Variants in GNA14 observed in about 807,000 individuals in gnomAD.
GNA14 encodes G protein subunit alpha 14.
GNA14 carries 50 observed loss-of-function variants against 42.0 expected under a neutral mutation model. That is an observed-to-expected ratio of 1.19 (90% confidence interval 0.95 to 1.51). The LOEUF (loss-of-function observed/expected upper bound fraction) is 1.51. GNA14 is among the 40% of genes most tolerant of loss of function. GNA14 has a pLI of 0.00. For missense variants in GNA14, 473 were observed against 446.2 expected (o/e 1.06, Z -0.54); for synonymous variants, 173 against 163.1 (o/e 1.06, Z -0.46).
intron 1 of GNA14, among the ~76,000 whole-genome samples, chr9:77,635,740 C>T (rs1241302351): frequency 6.6e-6 from 1 of 152,098 alleles, no homozygotes; most frequent in Admixed American, 6.6e-5. Context: ...ATCAATGTTG[C>T]CTTAGAAACT....
At chr9:77,645,988 C>T (rs1180292292) in intron 1 of GNA14, among the ~76,000 whole-genome samples, 3 of 152,220 alleles carry the variant, frequency 2.0e-5, no homozygotes, top group African/African-American at 4.8e-5. Flanking sequence ...ATCAAGCTAG[C>T]AAATTCTCAC....
chr9:77,563,547 T>A (rs1213765707), intron 1 of GNA14, among the ~76,000 whole-genome samples: 2 of 152,194 alleles, frequency 1.3e-5, no homozygotes, highest in African/African-American at 2.4e-5. Flanking sequence ...ATATGCCTGA[T>A]TCTTCATAGG....
chr9:77,532,778 C>G (rs1228037178), intron 1 of GNA14, among the ~76,000 whole-genome samples: 1 of 152,078 alleles, frequency 6.6e-6, no homozygotes, highest in Non-Finnish European at 1.5e-5. Context: ...ATTTCTCACC[C>G]GCACCCCCAC....
At chr9:77,494,040 C>T (rs1356965126) in intron 2 of GNA14, among the ~76,000 whole-genome samples, 1 of 152,154 alleles carries the variant, frequency 6.6e-6, no homozygotes, top group Non-Finnish European at 1.5e-5. Flanking sequence ...CGTGACTCAG[C>T]CTCCCAAGTA....
Position 77,573,831 on chromosome 9 carries a change from T to C in GNA14, c.125-44578A>G, listed in dbSNP as rs72732707. Among the ~76,000 whole-genome samples the C allele has an allele frequency of 9.4e-3, 1,434 of 152,278 alleles. 20 individuals carry two copies. The highest frequency in any genetic ancestry group is 0.029 in the African/African-American group (1,205 of 41,546). Reference sequence around the variant, plus strand: ...GACCAGAGGTTGGGGGAAACTTTAGTGTTGGCATGTGACTAACTCCACCTT... The same window carrying C: ...GACCAGAGGTTGGGGGAAACTTTAGCGTTGGCATGTGACTAACTCCACCTT... On this transcript the variant is annotated intron_variant, in intron 1 of 6. Coordinates refer to ENST00000341700, the MANE Select transcript of GNA14 (RefSeq NM_004297.4).
intron 2 of GNA14, among the ~76,000 whole-genome samples, chr9:77,516,340 T>A (rs1025762779): frequency 1.3e-5 from 2 of 152,210 alleles, no homozygotes; most frequent in South Asian, 2.1e-4. Flanking sequence ...TATTTGGCAT[T>A]ATCAGTCATT....
At chr9:77,588,773 G>A (rs974779283) in intron 1 of GNA14, among the ~76,000 whole-genome samples, 1 of 152,132 alleles carries the variant, frequency 6.6e-6, no homozygotes, top group African/African-American at 2.4e-5. Context: ...TTAGCCCCAG[G>A]AAGTCCTTCT....
chr9:77,507,695 C>T (rs143541981), intron 2 of GNA14, among the ~76,000 whole-genome samples: 1 of 152,062 alleles, frequency 6.6e-6, no homozygotes, highest in East Asian at 1.9e-4. Context: ...ATTTCTACCT[C>T]TTGTCCAGCT....
chr9:77,498,725 C>T (rs767832605), intron 2 of GNA14, among the ~76,000 whole-genome samples: 7 of 152,208 alleles, frequency 4.6e-5, no homozygotes, highest in East Asian at 1.9e-4. Flanking sequence ...GATCTCCCCC[C>T]GCTGAGGATG....
intron 2 of GNA14, among the ~76,000 whole-genome samples, chr9:77,455,164 C>T (rs1004274912): frequency 2.0e-5 from 3 of 152,194 alleles, no homozygotes; most frequent in Admixed American, 1.3e-4. Flanking sequence ...GTCCTCAGGA[C>T]TGTAGGACTG....
intron 1 of GNA14, among the ~76,000 whole-genome samples, chr9:77,622,697 TAA>T (rs1823947288): frequency 7.2e-6 from 1 of 138,840 alleles, no homozygotes; most frequent in Non-Finnish European, 1.5e-5. Flanking sequence ...CCATCCTGGC[TAA>T]CATGGTGAAA....
chr9:77,490,686 T>A (rs1284472935), intron 2 of GNA14, among the ~76,000 whole-genome samples: 1 of 152,182 alleles, frequency 6.6e-6, no homozygotes, highest in African/African-American at 2.4e-5. Context: ...GTGCGGGGCC[T>A]GCCAAGCCCA....
chr9:77,603,956 C>CAAAAAAAAAAAAAAAAAAAAAAA (rs67044542), intron 1 of GNA14, among the ~76,000 whole-genome samples: 5 of 81,608 alleles, frequency 6.1e-5, no homozygotes, highest in Admixed American at 1.8e-4. Context: ...AAAAAAAAAA[C>CAAAAAAAAAAAAAAAAAAAAAAA]AAAAAAAAAA....
At chr9:77,523,718 G>A (rs968472928) in intron 2 of GNA14, among the ~76,000 whole-genome samples, 3 of 152,204 alleles carry the variant, frequency 2.0e-5, no homozygotes, top group African/African-American at 7.2e-5. Context: ...GAGCAGAGGG[G>A]CAGCGAAGGA....
intron 3 of GNA14, among the ~76,000 whole-genome samples, chr9:77,431,923 G>A (rs1285302253): frequency 6.6e-6 from 1 of 152,094 alleles, no homozygotes; most frequent in Non-Finnish European, 1.5e-5. Context: ...AAATACACAG[G>A]CGTAAAACAG....
intron 2 of GNA14, among the ~76,000 whole-genome samples, chr9:77,439,592 G>A (rs1835695383): frequency 6.6e-6 from 1 of 152,218 alleles, no homozygotes; most frequent in Admixed American, 6.5e-5. Context: ...AGCCAAGATC[G>A]TGCCACCGCA....
intron 2 of GNA14, among the ~76,000 whole-genome samples, chr9:77,441,321 T>C (rs552340123): frequency 6.6e-6 from 1 of 152,230 alleles, no homozygotes; most frequent in Admixed American, 6.5e-5. Context: ...TGCTTGACAG[T>C]TCCCTCTTCA....
rs981457927 is a variant in GNA14 at position 77,444,226 on chromosome 9, G to A, written c.310-9704C>T. On this transcript the variant is annotated intron_variant, in intron 2 of 6. Transcript: ENST00000341700. ...AAAGAGACTTGCAAGGCAGAAGGAC[G>A]CATCCACTTTCCGGGTCTGAAGGTC... is the stretch of plus-strand genomic sequence containing the variant. Among the ~76,000 whole-genome samples the A allele has an allele frequency of 7.9e-5, 12 of 152,310 alleles. No individual in the cohort carries two copies. In the South Asian group the frequency reaches 1.7e-3, roughly 21 times the overall value.
At chr9:77,495,256 C>A (rs972953580) in intron 2 of GNA14, among the ~76,000 whole-genome samples, 1 of 151,886 alleles carries the variant, frequency 6.6e-6, no homozygotes, top group African/African-American at 2.4e-5. Flanking sequence ...GGGGAAAAAA[C>A]CTCTTTTTCC....
Sources: gnomAD v4.1 joint callset for allele counts (sites outside exome capture counted in the v4.1 genomes callset) on GRCh38, gnomAD v4.1.1 for gene constraint, MANE v1.5 for transcripts, NCBI Gene and HGNC (gene_info 2026-07-23, HGNC 2026-07-21) for gene names.